The following ZNF835 variants were observed in gnomAD, a reference collection of about 807,000 sequenced individuals.
ZNF835 encodes the protein zinc finger protein 835.
For missense variants in ZNF835, 783 were observed against 758.4 expected, an observed-to-expected ratio of 1.03 and a Z score of -0.38; for synonymous variants, 323 against 324.7, an observed-to-expected ratio of 0.99 and a Z score of 0.06.
At chr19:56,665,440 T>A in intron 1 of ZNF835, 195 bp from the exon 2 acceptor site, 1 of 738,824 alleles carries the variant, frequency 1.4e-6, no homozygotes. Context: ...GTCCCTGGTC[T>A]CTCCACACTG....
intron 1 of ZNF835, among the ~76,000 whole-genome samples, chr19:56,667,342 C>T (rs2148056857): frequency 1.3e-5 from 2 of 152,334 alleles, no homozygotes; most frequent in South Asian, 4.1e-4. Flanking sequence ...AAGGAGGCAG[C>T]TGCCTGTGGA....
rs1257097367 is a variant in ZNF835 at position 56,664,688 on chromosome 19, A to C, written c.511T>G (p.Cys171Gly). 2 of 1,612,426 alleles carry C rather than the reference A, an allele frequency of 1.2e-6. No homozygotes were observed. The highest frequency in any genetic ancestry group is 2.7e-5 in the African/African-American group (2 of 74,744). Reference sequence around the variant, plus strand: ...GAGCCCTGGCTGAAGGCCTTGCCGCACTCGTGGCAGGCGTAGGGCTTCTCG... The same window carrying C: ...GAGCCCTGGCTGAAGGCCTTGCCGCCCTCGTGGCAGGCGTAGGGCTTCTCG... Reference protein sequence around the residue: ...TGEKPYACHECGKAFSQGSYL... With the variant: ...TGEKPYACHEGGKAFSQGSYL... Residue 171 changes from cysteine to glycine, a missense_variant, in exon 2 of 2, where the codon TGC becomes GGC. Transcript: ENST00000537055.
rs760238869 is a variant in ZNF835, at chr19:56,664,925, C to A, written c.274G>T (p.Glu92Ter). The A allele has an allele frequency of 1.9e-6, 3 of 1,613,984 alleles. No homozygotes were observed. In the South Asian group the frequency reaches 3.3e-5, roughly 18 times the overall value. ...CGCTGGCGGCTGTCAGGATGCCTCT[C>A]CTTCGGGCTCTCCCCAGGCGCGCTG... ...RCSAPGESPK[E>*]RHPDSRQRER... The change falls in exon 2 of 2, where the codon GAG (glutamate) becomes TAG (stop). Residue 92 changes from glutamate (E) to a stop codon, truncating the protein, a stop_gained. Transcript: ENST00000537055. LOFTEE classifies it low-confidence loss of function (END_TRUNC).
chr19:56,663,412 G>T lies in ZNF835; in HGVS notation c.*173C>A. ...TTTATAATTTTGCACCAGGAAGACC[G>T]CAGGGGAGTCTGGCAGATGTGAGGT... On this transcript the variant is annotated 3_prime_UTR_variant, in exon 2 of 2. Coordinates refer to ENST00000537055, the MANE Select transcript of ZNF835 (RefSeq NM_001005850.3). 3.4e-6 allele frequency: 3 copies of T among 887,742 alleles called. No individual in the cohort carries two copies. Among genetic ancestry groups the T allele is most frequent in the Non-Finnish European group, 5.1e-6 (3 of 592,284 alleles). 55.0% of individuals were successfully genotyped at this position (887,742 alleles called of 1,614,324 possible). A position where few individuals can be genotyped will look rare whatever the true frequency, so the allele number is the denominator to read the frequency against.
rs2148054228 is a variant in ZNF835 at position 56,664,714 on chromosome 19, C to T, written c.485G>A (p.Gly162Asp). The T allele has an allele frequency of 6.2e-7, 1 of 1,611,328 alleles. No individual in the cohort carries two copies. The highest frequency in any genetic ancestry group is 8.5e-7 in the Non-Finnish European group (1 of 1,178,320). ...HLTLHQRTHT[G>D]EKPYACHECG... ...CTCGTGGCAGGCGTAGGGCTTCTCG[C>T]CCGTGTGCGTGCGCTGGTGCAGGGT... The change falls in exon 2 of 2, where the codon GGC (glycine) becomes GAC (aspartate). Residue 162 changes from glycine (G) to aspartate (D), a missense_variant. Coordinates refer to ENST00000537055, the MANE Select transcript of ZNF835 (RefSeq NM_001005850.3).
chr19:56,668,327 T>G (rs903063699), intron 1 of ZNF835, among the ~76,000 whole-genome samples: 9 of 151,018 alleles, frequency 6.0e-5, no homozygotes, highest in East Asian at 2.0e-4. Context: ...CACCAGAGTA[T>G]GGCATTCCGT....
chr19:56,665,884 C>T (rs3995), intron 1 of ZNF835, among the ~76,000 whole-genome samples: 48,249 of 151,880 alleles, frequency 0.32, 8,772 homozygotes, highest in African/African-American at 0.48. Context: ...GAATCACTGA[C>T]TTAATGGAAC....
chr19:56,667,382 G>A (rs2148056878), intron 1 of ZNF835, among the ~76,000 whole-genome samples: 1 of 152,360 alleles, frequency 6.6e-6, no homozygotes, highest in East Asian at 1.9e-4. Flanking sequence ...CCCCAGAGGA[G>A]GGGGCTCACA....
rs1312806422 is a variant in ZNF835 at position 56,664,686 on chromosome 19, G to A, written c.513C>T (p.Cys171=). ...TGEKPYACHE[C]GKAFSQGSYL... ...ACGAGCCCTGGCTGAAGGCCTTGCC[G>A]CACTCGTGGCAGGCGTAGGGCTTCT... Residue 171 remains cysteine (C), a synonymous_variant, in exon 2 of 2, where the codon TGC becomes TGT. Transcript: ENST00000537055. 1.9e-6 allele frequency: 3 copies of A among 1,612,756 alleles called. 1 individual carries two copies. The highest frequency in any genetic ancestry group is 2.2e-5 in the South Asian group (2 of 90,990).
At chr19:56,669,494 C>T (rs1416169241) in intron 1 of ZNF835, among the ~76,000 whole-genome samples, 1 of 152,110 alleles carries the variant, frequency 6.6e-6, no homozygotes. Context: ...ACCAGCCCAT[C>T]CTAGGGGCCT....
At chr19:56,666,923 G>A (rs1009976276) in intron 1 of ZNF835, among the ~76,000 whole-genome samples, 2 of 152,074 alleles carry the variant, frequency 1.3e-5, no homozygotes, top group African/African-American at 4.8e-5. Flanking sequence ...TCACATTATG[G>A]GGACACTATT....
rs1209536533 is a variant in ZNF835, at chr19:56,664,098, G to T, written c.1101C>A (p.Cys367Ter). 5 of 1,599,616 alleles carry T rather than the reference G, an allele frequency of 3.1e-6. 1 individual carries two copies. The highest frequency in any genetic ancestry group is 2.2e-5 in the East Asian group (1 of 44,598). Residue 367 changes from cysteine to a stop codon, truncating the protein, a stop_gained, in exon 2 of 2, where the codon TGC (cysteine) becomes TGA (stop). Coordinates refer to ENST00000537055, the MANE Select transcript of ZNF835 (RefSeq NM_001005850.3). LOFTEE classifies it low-confidence loss of function (END_TRUNC). ...TGERPYPCHD[C>*]GKRFSNRSHL... ...GGGAGCGGTTGCTGAAGCGCTTGCC[G>T]CAGTCGTGGCAGGGGTAAGGCCGCT...
rs763646572 is a variant in ZNF835, at chr19:56,664,654, G to A, written c.545C>T (p.Ala182Val). 1 of 1,609,832 alleles carries A rather than the reference G, an allele frequency of 6.2e-7. No homozygotes were observed. The highest frequency in any genetic ancestry group is 8.5e-7 in the Non-Finnish European group (1 of 1,178,300). ...GKAFSQGSYLASHWRTHTGEK... is the reference protein window; with the variant it reads ...GKAFSQGSYLVSHWRTHTGEK... ...GCCCGTGTGCGTGCGCCAGTGGGACGCCAGGTACGAGCCCTGGCTGAAGGC... is the reference window on the plus strand; with the variant it reads ...GCCCGTGTGCGTGCGCCAGTGGGACACCAGGTACGAGCCCTGGCTGAAGGC... Residue 182 changes from alanine to valine, a missense_variant, in exon 2 of 2, where the codon GCG (alanine) becomes GTG (valine). Transcript: ENST00000537055.
intron 1 of ZNF835, among the ~76,000 whole-genome samples, chr19:56,668,865 C>T (rs116108982): frequency 1.4e-3 from 210 of 152,148 alleles, no homozygotes; most frequent in East Asian, 5.4e-3. Context: ...CCACGTCCAC[C>T]GGCATCCCCG....
In ZNF835 at chr19:56,664,616, G is replaced by A. The variant is rs1386409457; in HGVS notation, c.583C>T (p.Arg195Cys). Residue 195 changes from arginine to cysteine, a missense_variant, in exon 2 of 2, where the codon CGC becomes TGC. By Grantham distance (180) the Arg-to-Cys change is radical. Coordinates refer to ENST00000537055, the MANE Select transcript of ZNF835 (RefSeq NM_001005850.3). Reference protein sequence around the residue: ...WRTHTGEKPHRCADCGKAFTR... With the variant: ...WRTHTGEKPHCCADCGKAFTR... ...AAGGCCTTGCCGCAGTCGGCGCAGCGGTGCGGCTTCTCGCCCGTGTGCGTG... is the reference window on the plus strand; with the variant it reads ...AAGGCCTTGCCGCAGTCGGCGCAGCAGTGCGGCTTCTCGCCCGTGTGCGTG... The A allele has an allele frequency of 6.2e-7, 1 of 1,604,344 alleles. No homozygotes were observed. The highest frequency in any genetic ancestry group is 8.5e-7 in the Non-Finnish European group (1 of 1,175,930).
rs1328224653 is a variant in ZNF835, at chr19:56,665,064, G to T, written c.135C>A (p.Asp45Glu). Residue 45 changes from aspartate to glutamate, a missense_variant, in exon 2 of 2, where the codon GAC (aspartate) becomes GAA (glutamate). By Grantham distance (45) the Asp-to-Glu change is conservative. Coordinates refer to ENST00000537055, the MANE Select transcript of ZNF835 (RefSeq NM_001005850.3). ...PEPEAVACKG[D>E]PAGDSMQERD... ...GTTCCTGCATGCTGTCCCCAGCAGG[G>T]TCTCCCTTGCAGGCCACGGCCTCTG... The T allele has an allele frequency of 1.9e-6, 3 of 1,613,872 alleles. No homozygotes were observed. The highest frequency in any genetic ancestry group is 2.5e-6 in the Non-Finnish European group (3 of 1,179,902).
In ZNF835 at chr19:56,664,229, G is replaced by A; in HGVS notation, c.970C>T (p.His324Tyr). Reference protein sequence around the residue: ...LFSQSASLAEHRRIHTGEKPY... With the variant: ...LFSQSASLAEYRRIHTGEKPY... ...TTCTCGCCTGTGTGGATGCGCCGGTGCTCGGCCAGAGAGGCGCTCTGGCTG... is the reference window on the plus strand; with the variant it reads ...TTCTCGCCTGTGTGGATGCGCCGGTACTCGGCCAGAGAGGCGCTCTGGCTG... The change falls in exon 2 of 2, where the codon CAC becomes TAC. Residue 324 changes from histidine to tyrosine, a missense_variant. Physicochemically the swap from His to Tyr is moderately conservative, Grantham distance 83. Transcript: ENST00000537055. The A allele has an allele frequency of 6.2e-7, 1 of 1,604,592 alleles. No individual in the cohort carries two copies. Among genetic ancestry groups the A allele is most frequent in the Non-Finnish European group, 8.5e-7 (1 of 1,174,996 alleles).
Position 56,664,782 on chromosome 19 carries a change from C to T in ZNF835, c.417G>A (p.Ala139=), listed in dbSNP as rs962514146. 5.0e-6 allele frequency: 8 copies of T among 1,613,972 alleles called. No individual in the cohort carries two copies. The highest frequency in any genetic ancestry group is 6.8e-6 in the Non-Finnish European group (8 of 1,179,976). ...TGAAGGCCTTGCCGCACTCGGGGCA[C>T]GCAAATGGCTTCTCCCCGGTGTGGA... ...QRIHTGEKPF[A]CPECGKAFSQ... The change falls in exon 2 of 2, where the codon GCG becomes GCA. Residue 139 remains alanine, a synonymous_variant. Coordinates refer to ENST00000537055, the MANE Select transcript of ZNF835 (RefSeq NM_001005850.3).
Position 56,664,405 on chromosome 19 carries a change from A to G in ZNF835, c.794T>C (p.Leu265Pro), listed in dbSNP as rs1568523777. 6.2e-7 allele frequency: 1 copy of G among 1,611,560 alleles called. No homozygotes were observed. The highest frequency in any genetic ancestry group is 8.5e-7 in the Non-Finnish European group (1 of 1,179,174). Residue 265 changes from leucine (L) to proline (P), a missense_variant, in exon 2 of 2, where the codon CTC becomes CCC. By Grantham distance (98) the Leu-to-Pro change is moderately conservative. Coordinates refer to ENST00000537055, the MANE Select transcript of ZNF835 (RefSeq NM_001005850.3). Reference protein sequence around the residue: ...CAKAFRFSSALIRHQRIHTEE... With the variant: ...CAKAFRFSSAPIRHQRIHTEE... ...CGTGTGGATGCGCTGGTGGCGGATGAGCGCTGAGGAGAAGCGGAAGGCCTT... is the reference window on the plus strand; with the variant it reads ...CGTGTGGATGCGCTGGTGGCGGATGGGCGCTGAGGAGAAGCGGAAGGCCTT...
Sources: allele counts gnomAD v4.1 joint callset (sites outside exome capture counted in the v4.1 genomes callset), GRCh38; gene constraint gnomAD v4.1.1; transcripts MANE v1.5; gene names NCBI Gene and HGNC (gene_info 2026-07-23, HGNC 2026-07-21).